The following CACNA1C variants were observed in gnomAD, a reference collection of about 807,000 sequenced individuals.
The protein encoded by CACNA1C is voltage-dependent L-type calcium channel subunit alpha-1C.
A neutral mutation model predicts 229.0 loss-of-function variants in CACNA1C; 30 were observed. The ratio of observed to expected loss-of-function variants is 0.13; its 90% CI spans 0.10 to 0.18. CACNA1C has a LOEUF of 0.18. Among genes scored for constraint, CACNA1C ranks in the 10% least tolerant of loss-of-function variants. The pLI, the probability that CACNA1C is intolerant of heterozygous loss-of-function variation, is 1.00. For missense variants in CACNA1C, 1,658 were observed against 2,845.0 expected (o/e 0.58, Z 9.49); for synonymous variants, 1,114 against 1,132.5 (o/e 0.98, Z 0.33).
chr12:2,592,129 G>C (rs1052345248), intron 18 of CACNA1C, among the ~76,000 whole-genome samples: 8 of 152,240 alleles, frequency 5.3e-5, no homozygotes, highest in Non-Finnish European at 1.0e-4. Context: ...CTGTAGTGAA[G>C]TGCTCAGAAA....
intron 30 of CACNA1C, among the ~76,000 whole-genome samples, chr12:2,645,995 T>C (rs1372810015): frequency 6.6e-6 from 1 of 152,204 alleles, no homozygotes; most frequent in Non-Finnish European, 1.5e-5. Flanking sequence ...CTCTTTCTAC[T>C]GTCCTCATAG....
chr12:2,346,255 G>A lies in CACNA1C; in HGVS notation c.478-102721G>A, dbSNP rs1396653593. Among the ~76,000 whole-genome samples, 1 of 152,074 alleles carries A rather than the reference G, an allele frequency of 6.6e-6. No individual in the cohort carries two copies. The highest frequency in any genetic ancestry group is 6.5e-5 in the Admixed American group (1 of 15,274). On this transcript the variant is annotated intron_variant, in intron 3 of 46. Coordinates refer to ENST00000399655, the MANE Select transcript of CACNA1C (RefSeq NM_000719.7). The surrounding 1 kb of genome is among the most constrained non-coding windows in gnomAD (Gnocchi z 4.4). ...TGTGTCTGTGTGTGTCTCTGTCTGT[G>A]CATCTCTCGTATGTGCCTGTGTCTC... is the stretch of plus-strand genomic sequence containing the variant.
intron 1 of CACNA1C, among the ~76,000 whole-genome samples, chr12:2,040,528 T>A (rs932944378): frequency 6.6e-6 from 1 of 152,214 alleles, no homozygotes; most frequent in African/African-American, 2.4e-5. Context: ...CTGGGTGATG[T>A]GGAGATGTCG....
chr12:2,218,308 G>A (rs917067636), intron 3 of CACNA1C, among the ~76,000 whole-genome samples: 3 of 152,132 alleles, frequency 2.0e-5, no homozygotes, highest in East Asian at 1.9e-4. Flanking sequence ...AGATATGACC[G>A]GCTCCCTCCA....
At chr12:2,373,653 A>G (rs913700496) in intron 3 of CACNA1C, among the ~76,000 whole-genome samples, 3 of 152,200 alleles carry the variant, frequency 2.0e-5, no homozygotes, top group Non-Finnish European at 2.9e-5. Context: ...AGTGATAGAT[A>G]TGGGAACCAT....
intron 22 of CACNA1C, among the ~76,000 whole-genome samples, chr12:2,604,234 AG>A (rs1397138481): frequency 5.3e-5 from 8 of 152,152 alleles, no homozygotes; most frequent in African/African-American, 1.9e-4. Context: ...GAGGGATTCT[AG>A]TGTCTATGGC....
At chr12:2,627,388 G>A (rs1420149838) in intron 29 of CACNA1C, among the ~76,000 whole-genome samples, 1 of 152,110 alleles carries the variant, frequency 6.6e-6, no homozygotes, top group African/African-American at 2.4e-5. Context: ...ATATTCAATG[G>A]GATCAACTCT....
rs555173977 is a variant in CACNA1C at position 2,467,847 on chromosome 12, A to G, written c.757+10141A>G. 6.6e-6 allele frequency among the ~76,000 whole-genome samples: 1 copy of G among 152,312 alleles called. No individual in the cohort carries two copies. The highest frequency in any genetic ancestry group is 1.9e-4 in the East Asian group (1 of 5,168). On this transcript the variant is annotated intron_variant, in intron 5 of 46. Coordinates refer to ENST00000399655, the MANE Select transcript of CACNA1C (RefSeq NM_000719.7). This position sits in a 1 kb window ranked among gnomAD's most constrained non-coding sequence, Gnocchi z 4.6. ...TGGGCCAGCAGCTCAAGGCCCACTC[A>G]GAGTCCCGACCCTGCTGCGACTTCT...
intron 3 of CACNA1C, among the ~76,000 whole-genome samples, chr12:2,369,453 C>A (rs952483294): frequency 1.3e-5 from 2 of 148,852 alleles, no homozygotes; most frequent in Non-Finnish European, 3.0e-5. Flanking sequence ...GGCTGGAGTG[C>A]AGTGGCGCAA....
intron 3 of CACNA1C, among the ~76,000 whole-genome samples, chr12:2,151,198 G>T (rs945217491): frequency 6.6e-6 from 1 of 152,140 alleles, no homozygotes; most frequent in Non-Finnish European, 1.5e-5. Context: ...AAGAAAACTT[G>T]CAGATCAGAT....
chr12:2,668,122 T>C (rs546746879), intron 37 of CACNA1C, among the ~76,000 whole-genome samples: 1 of 76,264 alleles, frequency 1.3e-5, no homozygotes, highest in South Asian at 7.5e-4. Context: ...CCTGTGATCC[T>C]TTCTCTTCTC....
chr12:2,117,352 C>T (rs2084391975), intron 2 of CACNA1C, among the ~76,000 whole-genome samples: 1 of 152,218 alleles, frequency 6.6e-6, no homozygotes, highest in South Asian at 2.1e-4. Context: ...AAACAAGTGG[C>T]TGCAGCTGCC....
chr12:2,310,352 A>AAAATATATATATATATATATAT (rs201363709), intron 3 of CACNA1C, among the ~76,000 whole-genome samples: 1 of 139,828 alleles, frequency 7.2e-6, no homozygotes, highest in African/African-American at 2.7e-5. Context: ...TAAAAAAAAA[A>AAAATATATATATATATATATAT]ATATATATAT....
intron 5 of CACNA1C, among the ~76,000 whole-genome samples, chr12:2,461,026 C>T (rs964212184): frequency 1.3e-5 from 2 of 152,224 alleles, no homozygotes; most frequent in Non-Finnish European, 2.9e-5. Context: ...CCGTCTTCTA[C>T]TTCTCATAGC....
In CACNA1C at chr12:2,575,193, C is replaced by A. The variant is rs190434528; in HGVS notation, c.1896-6397C>A. ...CCTTTGAACTTGTTAACTAAGTCAGCCCTTGCCTCAAAAGTGAAACCACAA... is the reference window on the plus strand; with the variant it reads ...CCTTTGAACTTGTTAACTAAGTCAGACCTTGCCTCAAAAGTGAAACCACAA... On this transcript the variant is annotated intron_variant, in intron 13 of 46. Coordinates refer to ENST00000399655, the MANE Select transcript of CACNA1C (RefSeq NM_000719.7). This position sits in a 1 kb window ranked among gnomAD's most constrained non-coding sequence, Gnocchi z 4.0. Among the ~76,000 whole-genome samples, 28 of 152,318 alleles carry A rather than the reference C, an allele frequency of 1.8e-4. No homozygotes were observed. Among genetic ancestry groups the A allele is most frequent in the Admixed American group, 1.8e-3 (27 of 15,310 alleles).
At chr12:2,059,088 G>A (rs1455586438) in intron 1 of CACNA1C, among the ~76,000 whole-genome samples, 3 of 152,150 alleles carry the variant, frequency 2.0e-5, no homozygotes, top group African/African-American at 4.8e-5. Flanking sequence ...CAGGACCCGC[G>A]CAGGTCCCTG....
chr12:2,316,779 C>T (rs1018053964), intron 3 of CACNA1C, among the ~76,000 whole-genome samples: 6 of 152,250 alleles, frequency 3.9e-5, no homozygotes, highest in South Asian at 4.1e-4. Flanking sequence ...CGTGACTGTG[C>T]GGGTGTGTCC....
intron 3 of CACNA1C, among the ~76,000 whole-genome samples, chr12:2,362,283 C>T (rs2097577778): frequency 6.6e-6 from 1 of 152,104 alleles, no homozygotes. Flanking sequence ...TGCCTTCATG[C>T]TGTGATGCAG....
At chr12:2,085,901 C>T (rs1391612215) in intron 1 of CACNA1C, among the ~76,000 whole-genome samples, 1 of 152,192 alleles carries the variant, frequency 6.6e-6, no homozygotes, top group Non-Finnish European at 1.5e-5. Context: ...CTGCTGGTTC[C>T]CAACTGCAGC....
Sources: allele counts gnomAD v4.1 joint callset (sites outside exome capture counted in the v4.1 genomes callset), GRCh38; gene constraint gnomAD v4.1.1; non-coding constraint Gnocchi (gnomAD v3.1); transcripts MANE v1.5; gene names NCBI Gene and HGNC (gene_info 2026-07-23, HGNC 2026-07-21).